YARS1: variants seen among roughly 807,000 people sequenced by gnomAD.
The protein encoded by YARS1 is tyrosine--tRNA ligase, cytoplasmic.
YARS1 carries 36 observed loss-of-function variants against 62.2 expected under a neutral mutation model. That is an observed-to-expected ratio of 0.58 (90% CI 0.44 to 0.76). The LOEUF is 0.76. Among genes scored for constraint, YARS1 ranks in the 30% least tolerant of loss-of-function variants. The pLI is 0.00. For synonymous variants in YARS1, 234 were observed against 244.9 expected (o/e 0.96, Z 0.42); for missense variants, 524 against 639.8 (o/e 0.82, Z 1.95).
At chr1:32,791,358 C>G in intron 5 of YARS1, 104 bp from the exon 6 acceptor site, 1 of 898,176 alleles carries the variant, frequency 1.1e-6, no homozygotes, top group Non-Finnish European at 1.9e-6. Flanking sequence ...TGTTATATTG[C>G]TTCCAATCTT....
chr1:32,782,304 C>T (rs545661054), intron 9 of YARS1, 100 bp downstream of exon 9: 4 of 1,593,638 alleles, frequency 2.5e-6, no homozygotes, highest in Admixed American at 1.7e-5. Flanking sequence ...CTTCAGACCC[C>T]CTGGGTTGTT....
chr1:32,791,082 C>T, intron 6 of YARS1, 80 bp downstream of exon 6: 1 of 1,286,368 alleles, frequency 7.8e-7, no homozygotes, highest in Non-Finnish European at 1.1e-6. Context: ...TCTAGTTAGC[C>T]AGGTCACTGT....
At chr1:32,799,636 T>A (rs57734982) in intron 4 of YARS1, among the ~76,000 whole-genome samples, 164 of 152,332 alleles carry the variant, frequency 1.1e-3, no homozygotes, top group African/African-American at 3.8e-3. Flanking sequence ...CAGAATCTTC[T>A]GTGGTGATGA....
chr1:32,791,778 G>A (rs887837346), intron 5 of YARS1, among the ~76,000 whole-genome samples: 1 of 152,028 alleles, frequency 6.6e-6, no homozygotes, highest in East Asian at 1.9e-4. Flanking sequence ...CTCCAGCCTG[G>A]GCGACAAGAG....
At chr1:32,811,573 G>A (rs1638587219) in intron 1 of YARS1, 1 of 176,742 alleles carries the variant, frequency 5.7e-6, no homozygotes, top group Non-Finnish European at 1.2e-5. Flanking sequence ...TTTTTTGCCT[G>A]TTTTACTTCT....
At chr1:32,806,756 T>C in intron 3 of YARS1, 145 bp from the exon 4 acceptor site, 2 of 1,121,840 alleles carry the variant, frequency 1.8e-6, no homozygotes, top group African/African-American at 1.6e-5. Context: ...TCACCAACTT[T>C]CTTCTTCTTT....
At position 32,817,290 on chromosome 1, in the gene YARS1, C is replaced by CCT. The variant is rs1238243478; in HGVS notation, c.-48_-47dup. 6.2e-7 allele frequency: 1 copy of CCT among 1,610,794 alleles called. No individual in the cohort carries two copies. On this transcript the variant is annotated 5_prime_UTR_variant, in exon 1 of 13. Transcript: ENST00000373477. The stretch of plus-strand genomic sequence containing the variant: ...CCCCGCTCAGCCCGGCACCAGAGCC[C>CCT]CTTCCTGGGTCACCGTCGCCGCCGC...
chr1:32,813,064 CAATT>C (rs2148617697), intron 1 of YARS1, among the ~76,000 whole-genome samples: 1 of 151,778 alleles, frequency 6.6e-6, no homozygotes, highest in Non-Finnish European at 1.5e-5. Context: ...CTCTTTCAAT[CAATT>C]GCCAGTCAGG....
At chr1:32,791,561 G>A (rs1168544120) in intron 5 of YARS1, among the ~76,000 whole-genome samples, 2 of 152,172 alleles carry the variant, frequency 1.3e-5, no homozygotes, top group African/African-American at 4.8e-5. Flanking sequence ...CAGCACTTTG[G>A]GAGGCTGAGG....
At chr1:32,796,998 ATATATATATATATATATATATATAT>A (rs1653618224) in intron 5 of YARS1, among the ~76,000 whole-genome samples, 17 of 5,502 alleles carry the variant, frequency 3.1e-3, no homozygotes, top group Admixed American at 9.4e-3. Flanking sequence ...AAAAAAAAAT[ATATATATATATATATATATATATAT>A]ATATATATAT....
At chr1:32,780,505 C>T (rs544506348) in intron 10 of YARS1, 1 of 580,852 alleles carries the variant, frequency 1.7e-6, no homozygotes, top group Non-Finnish European at 3.1e-6. Context: ...GACCTAGATG[C>T]TTGTGTTAAG....
intron 1 of YARS1, among the ~76,000 whole-genome samples, chr1:32,814,451 T>C (rs558319188): frequency 1.3e-5 from 2 of 152,286 alleles, no homozygotes; most frequent in East Asian, 1.9e-4. Flanking sequence ...AGTGCAGTGA[T>C]GCAATCCTGA....
chr1:32,779,624 AT>A, intron 11 of YARS1, 101 bp from the exon 12 acceptor site: 1 of 1,472,942 alleles, frequency 6.8e-7, no homozygotes, highest in Non-Finnish European at 9.4e-7. Flanking sequence ...CCCTGATGGG[AT>A]TTAGGGCATC....
intron 12 of YARS1, among the ~76,000 whole-genome samples, chr1:32,777,762 C>T (rs1211430273): frequency 2.0e-5 from 3 of 152,142 alleles, no homozygotes; most frequent in South Asian, 4.1e-4. Context: ...GATGGCACCA[C>T]TGGAATCCAG....
intron 4 of YARS1, among the ~76,000 whole-genome samples, chr1:32,799,655 T>C (rs1486695396): frequency 6.6e-6 from 1 of 152,196 alleles, no homozygotes; most frequent in Admixed American, 6.5e-5. Context: ...GAATATATTA[T>C]ATGTCTGTGC....
intron 11 of YARS1, chr1:32,779,753 T>G: frequency 1.6e-6 from 1 of 632,692 alleles, no homozygotes; most frequent in Non-Finnish European, 2.7e-6. Context: ...TCTGTGTTTC[T>G]AGGGGAGGAA....
chr1:32,798,664 AAAAAG>A (rs2148610723), intron 4 of YARS1, among the ~76,000 whole-genome samples: 1 of 152,222 alleles, frequency 6.6e-6, no homozygotes, highest in South Asian at 2.1e-4. Context: ...ACAAACAAAC[AAAAAG>A]AAATTAGCCA....
chr1:32,791,315 G>C lies in YARS1; in HGVS notation c.592-61C>G, dbSNP rs1245620997. On this transcript the variant is annotated intron_variant, in intron 5 of 12. Transcript: ENST00000373477. ...AGTCTAAGTTCCTCCTCAGTGCCCT[G>C]ATCTCATCTGACTTGGCCAGCAACT... is the stretch of plus-strand genomic sequence containing the variant. The C allele has an allele frequency of 3.0e-6, 4 of 1,353,090 alleles. No homozygotes were observed. In the Admixed American group the frequency reaches 6.7e-5, roughly 23 times the overall value. The allele number at this position is 1,353,090 out of a possible 1,614,324, so 83.8% of individuals were successfully genotyped here. A position where few individuals can be genotyped will look rare whatever the true frequency, so the allele number is the denominator to read the frequency against.
intron 1 of YARS1, among the ~76,000 whole-genome samples, chr1:32,814,358 C>A (rs1638649614): frequency 6.6e-6 from 1 of 152,158 alleles, no homozygotes; most frequent in Admixed American, 6.6e-5. Context: ...CCTAACAGGT[C>A]TCCCAAATCT....
Sources: gnomAD v4.1 joint callset for allele counts (sites outside exome capture counted in the v4.1 genomes callset) on GRCh38, gnomAD v4.1.1 for gene constraint, MANE v1.5 for transcripts, NCBI Gene and HGNC (gene_info 2026-07-23, HGNC 2026-07-21) for gene names.